Variants in KNTC1 observed in about 807,000 individuals in gnomAD.
KNTC1 encodes kinetochore associated 1.
In KNTC1, 253 loss-of-function variants were observed where a neutral mutation model predicts 314.4. The ratio of observed to expected loss-of-function variants is 0.80; its 90% CI spans 0.73 to 0.89. The LOEUF is 0.89. KNTC1 is among the 40% of genes least tolerant of loss of function. The pLI is 0.00. For missense variants in KNTC1, 2,475 were observed against 2,572.9 expected, an observed-to-expected ratio of 0.96 and a Z score of 0.82; for synonymous variants, 901 against 901.4, an observed-to-expected ratio of 1.00 and a Z score of 0.01.
chr12:122,534,685 C>G lies in KNTC1; in HGVS notation c.151C>G (p.Gln51Glu). The G allele has an allele frequency of 6.2e-7, 1 of 1,609,470 alleles. No individual in the cohort carries two copies. Among genetic ancestry groups the G allele is most frequent in the Non-Finnish European group, 8.5e-7 (1 of 1,177,306 alleles). ...SEKASLNPKI[Q>E]ACSLSDGFII... is the part of the protein sequence containing the mutation. The stretch of plus-strand genomic sequence containing the variant: ...ACAGGCCTCATTAAATCCAAAGATA[C>G]AGGCATGCAGCTTAAGTGATGGGTT... Residue 51 changes from glutamine to glutamate, a missense_variant, in exon 3 of 64, where the codon CAG becomes GAG. By Grantham distance (29) the Gln-to-Glu change is conservative. Coordinates refer to ENST00000333479, the MANE Select transcript of KNTC1 (RefSeq NM_014708.6).
chr12:122,561,569 T>C (rs571235439), intron 18 of KNTC1, among the ~76,000 whole-genome samples: 11 of 152,038 alleles, frequency 7.2e-5, no homozygotes, highest in African/African-American at 2.4e-4. Flanking sequence ...TTCTCGTGCC[T>C]CAGGCTCCTT....
chr12:122,547,366 ACT>A, intron 10 of KNTC1, 47 bp from the exon 11 acceptor site: 1 of 1,220,480 alleles, frequency 8.2e-7, no homozygotes, highest in Admixed American at 1.9e-5. Flanking sequence ...CAAGAGCAAA[ACT>A]CTGTCTCAAA....
chr12:122,571,233 C>T (rs1404428090), intron 24 of KNTC1, 107 bp downstream of exon 24: 8 of 801,136 alleles, frequency 1.0e-5, no homozygotes, highest in Non-Finnish European at 1.3e-5. Flanking sequence ...CTTAAATTTT[C>T]TGTTTTTTTG....
intron 44 of KNTC1, among the ~76,000 whole-genome samples, chr12:122,598,318 A>G (rs1443916736): frequency 1.3e-5 from 2 of 151,660 alleles, no homozygotes; most frequent in Non-Finnish European, 2.9e-5. Flanking sequence ...CACTTAACAT[A>G]TGGTCATTAT....
intron 63 of KNTC1, 197 bp downstream of exon 63, chr12:122,624,885 C>A: frequency 1.8e-6 from 1 of 543,648 alleles, no homozygotes; most frequent in South Asian, 1.7e-5. Context: ...TCAGCCCTGC[C>A]ACTGGGCAGC....
Position 122,543,623 on chromosome 12 carries a change from A to G in KNTC1, c.547A>G (p.Thr183Ala), listed in dbSNP as rs778828775. Residue 183 changes from threonine to alanine, a missense_variant, in exon 7 of 64, where the codon ACA becomes GCA. Coordinates refer to ENST00000333479, the MANE Select transcript of KNTC1 (RefSeq NM_014708.6). ...QQAIENVDFS[T>A]AKKLQGQIKS... ...AGCAATTGAGAATGTAGACTTCAGT[A>G]CAGCAAAAAAGGTAAGAAAATAAAT... 1.3e-6 allele frequency: 2 copies of G among 1,560,180 alleles called. No homozygotes were observed. Among genetic ancestry groups the G allele is most frequent in the Non-Finnish European group, 8.7e-7 (1 of 1,149,718 alleles).
At position 122,624,755 on chromosome 12, in the gene KNTC1, G is replaced by T. The variant is rs761998497; in HGVS notation, c.6606+67G>T. On this transcript the variant is annotated intron_variant, in intron 63 of 63. Transcript: ENST00000333479. ...TTTATATTCCTAGGGCCTTAAAATT[G>T]ACAAGCCTTTTCTAGTGTTCTGGAG... 8.2e-6 allele frequency: 9 copies of T among 1,101,120 alleles called. No individual in the cohort carries two copies. In the African/African-American group the frequency reaches 1.2e-4, roughly 15 times the overall value. The allele number at this position is 1,101,120 out of a possible 1,614,324, so 68.2% of individuals were successfully genotyped here.
chr12:122,607,068 G>A (rs1299501093), intron 51 of KNTC1, among the ~76,000 whole-genome samples: 3 of 152,080 alleles, frequency 2.0e-5, no homozygotes, highest in African/African-American at 7.2e-5. Context: ...TCTCTAGTCT[G>A]TTTTTGTTTT....
chr12:122,550,602 A>G (rs1593517682), intron 13 of KNTC1, among the ~76,000 whole-genome samples: 1 of 152,134 alleles, frequency 6.6e-6, no homozygotes, highest in Admixed American at 6.6e-5. Flanking sequence ...TCCTGGGCTC[A>G]AGTGGTCCTC....
At chr12:122,626,095 G>C in intron 63 of KNTC1, 110 bp from the exon 64 acceptor site, 1 of 747,518 alleles carries the variant, frequency 1.3e-6, no homozygotes, top group Non-Finnish European at 2.3e-6. Flanking sequence ...CAAATAGTTT[G>C]ATATGTAGAT....
intron 39 of KNTC1, among the ~76,000 whole-genome samples, chr12:122,588,204 C>G (rs1236282224): frequency 2.6e-5 from 4 of 152,136 alleles, no homozygotes; most frequent in South Asian, 2.1e-4. Context: ...AGTGCAGTGT[C>G]CACTATACCA....
intron 5 of KNTC1, among the ~76,000 whole-genome samples, chr12:122,541,291 T>TGCCTGCCTGCCTGCCTGCCTG (rs745323270): frequency 1.7e-5 from 1 of 59,410 alleles, no homozygotes; most frequent in African/African-American, 4.9e-5. Flanking sequence ...CTGCCTGCCT[T>TGCCTGCCTGCCTGCCTGCCTG]CCTTCCTTCC....
At position 122,568,310 on chromosome 12, in the gene KNTC1, A is replaced by ATTTT. The variant is rs1477714471; in HGVS notation, c.1658_1661dup (p.Leu554PhefsTer24). The ATTTT allele has an allele frequency of 6.3e-7, 1 of 1,595,722 alleles. No individual in the cohort carries two copies. Among genetic ancestry groups the ATTTT allele is most frequent in the African/African-American group, 1.3e-5 (1 of 74,444 alleles). ...AAATAATGAAGATGATCTTAAAGAT[A>ATTTT]TTTTTTTACAGCTAAAAGAAGGAAA... On this transcript the variant is annotated frameshift_variant, in exon 21 of 64. Transcript: ENST00000333479. LOFTEE classifies it high-confidence loss of function.
chr12:122,568,197 C>A, intron 20 of KNTC1, 64 bp from the exon 21 acceptor site: 5 of 740,548 alleles, frequency 6.8e-6, no homozygotes, highest in South Asian at 3.6e-5. Context: ...AAAGATAATC[C>A]ACTTAAAAGG....
chr12:122,604,637 GGT>G lies in KNTC1; in HGVS notation c.5175+5_5175+6del, dbSNP rs1460582284. On this transcript the variant is annotated splice_donor_variant, in intron 49 of 63. Transcript: ENST00000333479. LOFTEE classifies it high-confidence loss of function. ...GATGGCTACAGAATATCCCATCGCA[GGT>G]GTGTCTGAACTATCAGATTGGCGGC... The G allele has an allele frequency of 6.3e-7, 1 of 1,588,624 alleles. No homozygotes were observed. The highest frequency in any genetic ancestry group is 1.7e-5 in the Admixed American group (1 of 59,802).
Position 122,605,031 on chromosome 12 carries a change from A to G in KNTC1, c.5330A>G (p.Tyr1777Cys). 3.1e-6 allele frequency: 5 copies of G among 1,613,342 alleles called. No individual in the cohort carries two copies. Among genetic ancestry groups the G allele is most frequent in the Non-Finnish European group, 4.2e-6 (5 of 1,179,670 alleles). ...CCAGCACATCTTATTGTCAGTCTCTACGAACATCCTAGCATCAATCAAAGA... is the reference window on the plus strand; with the variant it reads ...CCAGCACATCTTATTGTCAGTCTCTGCGAACATCCTAGCATCAATCAAAGA... ...GKPAHLIVSL[Y>C]EHPSINQRIQ... The change falls in exon 50 of 64, where the codon TAC (tyrosine) becomes TGC (cysteine). Residue 1777 changes from tyrosine to cysteine, a missense_variant. By Grantham distance (194) the Tyr-to-Cys change is radical. Coordinates refer to ENST00000333479, the MANE Select transcript of KNTC1 (RefSeq NM_014708.6).
At chr12:122,620,748 G>A (rs186388100) in intron 60 of KNTC1, 140 bp downstream of exon 60, 690 of 849,726 alleles carry the variant, frequency 8.1e-4, no homozygotes, top group African/African-American at 6.3e-3. Flanking sequence ...TTGTATGGGG[G>A]CTTAGTGGGA....
At chr12:122,606,016 G>GTTTT (rs1454286505) in intron 51 of KNTC1, among the ~76,000 whole-genome samples, 2 of 150,972 alleles carry the variant, frequency 1.3e-5, no homozygotes, top group South Asian at 2.1e-4. Context: ...CTAATGTTTT[G>GTTTT]TTTTTTTTGT....
At chr12:122,620,657 A>G in intron 60 of KNTC1, 49 bp downstream of exon 60, 4 of 1,595,186 alleles carry the variant, frequency 2.5e-6, no homozygotes, top group East Asian at 4.5e-5. Context: ...AGAAGGTTTC[A>G]TCTTGCATGT....
Sources: allele counts gnomAD v4.1 joint callset (sites outside exome capture counted in the v4.1 genomes callset), GRCh38; gene constraint gnomAD v4.1.1; transcripts MANE v1.5; gene names NCBI Gene and HGNC (gene_info 2026-07-23, HGNC 2026-07-21).